The following ZNF732 variants were observed in gnomAD, a reference collection of about 807,000 sequenced individuals.
ZNF732 encodes zinc finger protein LOC654254.
In ZNF732, 12 loss-of-function variants were observed where a neutral mutation model predicts 11.5. The ratio of observed to expected loss-of-function variants is 1.05; its 90% CI spans 0.67 to 1.70. ZNF732 has a LOEUF of 1.70. Among genes scored for constraint, ZNF732 ranks in the 40% most tolerant of loss-of-function variants. The probability of loss-of-function intolerance (pLI) is 0.00; values close to 1 mark genes in which losing one functional copy is unlikely to be tolerated. For missense variants in ZNF732, 702 were observed against 676.9 expected, an observed-to-expected ratio of 1.04 and a Z score of -0.41; for synonymous variants, 231 against 236.5, an observed-to-expected ratio of 0.98 and a Z score of 0.21.
chr4:273,269 G>A (rs1553838149), intron 3 of ZNF732, among the ~76,000 whole-genome samples: 1 of 152,060 alleles, frequency 6.6e-6, no homozygotes. Context: ...CAACATGTAT[G>A]AGAGGTTACT....
At chr4:303,180 T>C (rs1405471507) in intron 1 of ZNF732, among the ~76,000 whole-genome samples, 7 of 152,220 alleles carry the variant, frequency 4.6e-5, no homozygotes, top group African/African-American at 1.4e-4. Flanking sequence ...TAACCATTTA[T>C]CCTTTTAACT....
chr4:276,058 G>C (rs1367081127), intron 3 of ZNF732, among the ~76,000 whole-genome samples: 1 of 151,640 alleles, frequency 6.6e-6, no homozygotes, highest in Non-Finnish European at 1.5e-5. Flanking sequence ...ATATATAAAA[G>C]AGATGGAGGT....
chr4:303,946 G>A (rs1484272079), intron 1 of ZNF732, among the ~76,000 whole-genome samples: 1 of 152,150 alleles, frequency 6.6e-6, no homozygotes, highest in Non-Finnish European at 1.5e-5. Flanking sequence ...ACAAGTGCAG[G>A]TCTAGGCAGG....
At position 292,973 on chromosome 4, in the gene ZNF732, CAGG is replaced by C. The variant is rs1160012775; in HGVS notation, c.226+2462_226+2464del. On this transcript the variant is annotated intron_variant, in intron 3 of 3. Coordinates refer to ENST00000419098, the MANE Select transcript of ZNF732 (RefSeq NM_001137608.3). ...GTCCCAGCTACTCAGGAGGCTGAGG[CAGG>C]AGAATGGCGTGAACCCAGGTGGCGG... Among the ~76,000 whole-genome samples, 7 of 129,800 alleles carry C rather than the reference CAGG, an allele frequency of 5.4e-5. No individual in the cohort carries two copies. The East Asian group carries it at 1.5e-3, about 29-fold the overall frequency. The allele number at this position is 129,800 out of a possible 152,430, so 85.2% of individuals were successfully genotyped here.
intron 1 of ZNF732, among the ~76,000 whole-genome samples, chr4:299,448 TATAC>T (rs1308706624): frequency 4.8e-5 from 4 of 83,828 alleles, no homozygotes; most frequent in Non-Finnish European, 4.7e-5. Context: ...TATATATATA[TATAC>T]ACATATGTGT....
intron 3 of ZNF732, among the ~76,000 whole-genome samples, chr4:284,244 A>T (rs942435930): frequency 5.3e-5 from 8 of 152,184 alleles, no homozygotes; most frequent in Non-Finnish European, 1.0e-4. Flanking sequence ...TTACAATTTT[A>T]TAAATGAGAA....
At chr4:299,532 T>TATAC (rs540973997) in intron 1 of ZNF732, among the ~76,000 whole-genome samples, 2 of 132,458 alleles carry the variant, frequency 1.5e-5, no homozygotes, top group Admixed American at 7.7e-5. Flanking sequence ...TGTGTATATA[T>TATAC]ACATATATAC....
chr4:299,040 T>TA (rs1720023110), intron 1 of ZNF732, among the ~76,000 whole-genome samples: 1 of 152,142 alleles, frequency 6.6e-6, no homozygotes, highest in Non-Finnish European at 1.5e-5. Flanking sequence ...AGTTTTCTGT[T>TA]ATGTCTTCAG....
intron 3 of ZNF732, among the ~76,000 whole-genome samples, chr4:294,282 G>A (rs1719901843): frequency 6.6e-6 from 1 of 152,238 alleles, no homozygotes. Context: ...TTACAGGCGT[G>A]AGGCAAGGCA....
At position 272,074 on chromosome 4, in the gene ZNF732, C is replaced by A. The variant is rs1553837760; in HGVS notation, c.783G>T (p.Arg261Ser). 6.2e-7 allele frequency: 1 copy of A among 1,611,124 alleles called. No homozygotes were observed. The change falls in exon 4 of 4, where the codon AGG becomes AGT. Residue 261 changes from arginine (R) to serine (S), a missense_variant. Coordinates refer to ENST00000419098, the MANE Select transcript of ZNF732 (RefSeq NM_001137608.3). Reference protein sequence around the residue: ...KYEECGKAFNRSSTLTKHKRI... With the variant: ...KYEECGKAFNSSSTLTKHKRI... ...TCTTATGCTTAGTAAGGGTTGAGGA[C>A]CTATTAAAGGCTTTGCCACATTCTT...
chr4:294,435 A>T (rs1434957107), intron 3 of ZNF732, among the ~76,000 whole-genome samples: 1 of 152,242 alleles, frequency 6.6e-6, no homozygotes, highest in African/African-American at 2.4e-5. Flanking sequence ...ATAGATACAG[A>T]TACACGTCAA....
At chr4:291,748 A>G (rs1719846123) in intron 3 of ZNF732, among the ~76,000 whole-genome samples, 1 of 152,252 alleles carries the variant, frequency 6.6e-6, no homozygotes, top group African/African-American at 2.4e-5. Flanking sequence ...ACCTTAAACA[A>G]TTTTAAATAA....
At chr4:298,601 G>C (rs888422785) in intron 1 of ZNF732, among the ~76,000 whole-genome samples, 1 of 152,178 alleles carries the variant, frequency 6.6e-6, no homozygotes, top group Admixed American at 6.5e-5. Flanking sequence ...AAATACAGGT[G>C]CTGGTTGAGT....
At chr4:284,535 A>G (rs1220529848) in intron 3 of ZNF732, among the ~76,000 whole-genome samples, 3 of 152,148 alleles carry the variant, frequency 2.0e-5, no homozygotes, top group African/African-American at 7.2e-5. Context: ...TTAGGATAAT[A>G]AAGAAAATAA....
At chr4:289,251 A>C (rs140658621) in intron 3 of ZNF732, among the ~76,000 whole-genome samples, 122 of 152,376 alleles carry the variant, frequency 8.0e-4, no homozygotes, top group African/African-American at 2.8e-3. Context: ...GGTAGTAGGA[A>C]GAAGGAATTA....
chr4:297,607 T>TTAA (rs1491574356), intron 1 of ZNF732, among the ~76,000 whole-genome samples: 7 of 101,012 alleles, frequency 6.9e-5, no homozygotes, highest in African/African-American at 2.6e-4. Context: ...TTAAGATTTG[T>TTAA]AAAAAAAAAA....
chr4:275,126 T>C (rs1332617600), intron 3 of ZNF732, among the ~76,000 whole-genome samples: 1 of 151,630 alleles, frequency 6.6e-6, no homozygotes, highest in Non-Finnish European at 1.5e-5. Context: ...TCATACAATA[T>C]TCTCCTTGAT....
At position 292,890 on chromosome 4, in the gene ZNF732, C is replaced by CAAAAA. The variant is rs34118991; in HGVS notation, c.226+2543_226+2547dup. 2.6e-3 allele frequency among the ~76,000 whole-genome samples: 203 copies of CAAAAA among 79,490 alleles called. 12 individuals are homozygous for CAAAAA. Among genetic ancestry groups the CAAAAA allele is most frequent in the Middle Eastern group, 6.6e-3 (1 of 152 alleles). 52.1% of individuals were successfully genotyped at this position (79,490 alleles called of 152,430 possible). A position where few individuals can be genotyped will look rare whatever the true frequency, so the allele number is the denominator to read the frequency against. ...TGAAACTCTGTCTCTACTAAAAACA[C>CAAAAA]AAAAAAAAAAAAAAAAAAAAAAAAA... On this transcript the variant is annotated intron_variant, in intron 3 of 3. Transcript: ENST00000419098.
intron 3 of ZNF732, among the ~76,000 whole-genome samples, chr4:281,766 G>A (rs555984529): frequency 1.1e-4 from 17 of 152,240 alleles, no homozygotes; most frequent in Middle Eastern, 3.4e-3. Flanking sequence ...CAGATGCAAG[G>A]ACATCAAAAC....
Sources: allele counts gnomAD v4.1 joint callset (sites outside exome capture counted in the v4.1 genomes callset), GRCh38; gene constraint gnomAD v4.1.1; transcripts MANE v1.5; gene names NCBI Gene and HGNC (gene_info 2026-07-23, HGNC 2026-07-21).